Variants in GNAI1 observed in about 807,000 individuals in gnomAD.
GNAI1 encodes guanine nucleotide-binding protein G(i) subunit alpha-1.
Under a neutral mutation model 38.9 loss-of-function variants are expected in GNAI1, and 11 were observed. The ratio of observed to expected loss-of-function variants is 0.28; its 90% CI spans 0.18 to 0.47. The LOEUF (loss-of-function observed/expected upper bound fraction) is 0.47, where lower values mean the gene tolerates loss of function less well. Among genes scored for constraint, GNAI1 ranks in the 20% least tolerant of loss-of-function variants. The pLI is 0.99. For synonymous variants in GNAI1, 166 were observed against 145.1 expected (o/e 1.14, Z -1.04); for missense variants, 317 against 436.9 (o/e 0.73, Z 2.45).
In GNAI1 at chr7:80,218,492, G is replaced by T. The variant is rs575819551; in HGVS notation, c.*999G>T. On this transcript the variant is annotated 3_prime_UTR_variant, in exon 8 of 8. Coordinates refer to ENST00000649796, the MANE Select transcript of GNAI1 (RefSeq NM_002069.6). ...GAATTTTGAGACATTGATTGGTGAG[G>T]CTTTTATTTCCCTTGAGGAGTCTCT... 6.6e-6 allele frequency: 1 copy of T among 151,946 alleles called. No individual in the cohort carries two copies. Among genetic ancestry groups the T allele is most frequent in the Non-Finnish European group, 1.5e-5 (1 of 67,972 alleles). The allele number at this position is 151,946 out of a possible 1,614,324, so 9.4% of individuals were successfully genotyped here.
intron 1 of GNAI1, among the ~76,000 whole-genome samples, chr7:80,138,550 A>G (rs1583999476): frequency 1.3e-5 from 2 of 152,210 alleles, no homozygotes; most frequent in Non-Finnish European, 2.9e-5. Flanking sequence ...TTATTGTTAT[A>G]TCTTTGAGAA....
intron 3 of GNAI1, 24 bp downstream of exon 3, chr7:80,189,255 C>T: frequency 6.2e-7 from 1 of 1,601,602 alleles, no homozygotes; most frequent in Non-Finnish European, 8.5e-7. Context: ...TTTGTTGGAG[C>T]TGACCTGATG....
At chr7:80,216,047 C>G (rs948498188) in intron 7 of GNAI1, among the ~76,000 whole-genome samples, 2 of 151,990 alleles carry the variant, frequency 1.3e-5, no homozygotes, top group Non-Finnish European at 2.9e-5. Context: ...TGGATTATTA[C>G]TACAAAAGAG....
intron 5 of GNAI1, 38 bp downstream of exon 5, chr7:80,203,870 TAAA>T: frequency 1.7e-6 from 2 of 1,145,640 alleles, no homozygotes; most frequent in Non-Finnish European, 2.5e-6. Flanking sequence ...TAAATTTAGA[TAAA>T]AACACATTGC....
At chr7:80,138,649 G>A (rs919085357) in intron 1 of GNAI1, among the ~76,000 whole-genome samples, 1 of 152,088 alleles carries the variant, frequency 6.6e-6, no homozygotes, top group African/African-American at 2.4e-5. Context: ...TTGTACTTAT[G>A]AAATATTATT....
intron 1 of GNAI1, among the ~76,000 whole-genome samples, chr7:80,170,541 T>C (rs1788083678): frequency 1.3e-5 from 2 of 152,164 alleles, no homozygotes; most frequent in African/African-American, 2.4e-5. Context: ...TTTAATTGGC[T>C]CACAGTTCTG....
chr7:80,155,715 CAGTT>C (rs1158660252), intron 1 of GNAI1, among the ~76,000 whole-genome samples: 2 of 150,842 alleles, frequency 1.3e-5, no homozygotes, highest in East Asian at 1.9e-4. Context: ...CACAGTTACA[CAGTT>C]AGATGTTTAA....
chr7:80,183,755 C>T (rs968936187), intron 1 of GNAI1, among the ~76,000 whole-genome samples: 1 of 152,156 alleles, frequency 6.6e-6, no homozygotes, highest in Non-Finnish European at 1.5e-5. Context: ...GAGGCAGACA[C>T]TGTTTGACTA....
At chr7:80,151,821 TGAG>T (rs1372609427) in intron 1 of GNAI1, among the ~76,000 whole-genome samples, 3 of 152,148 alleles carry the variant, frequency 2.0e-5, no homozygotes, top group Non-Finnish European at 4.4e-5. Flanking sequence ...ATCCTGCCCT[TGAG>T]GAGTTTCGTG....
chr7:80,163,795 C>G (rs951878608), intron 1 of GNAI1, among the ~76,000 whole-genome samples: 1 of 152,196 alleles, frequency 6.6e-6, no homozygotes, highest in Non-Finnish European at 1.5e-5. Context: ...GCCTTGTATT[C>G]TTGTATTGAA....
At chr7:80,186,334 C>G (rs989561829) in intron 1 of GNAI1, among the ~76,000 whole-genome samples, 1 of 152,094 alleles carries the variant, frequency 6.6e-6, no homozygotes, top group African/African-American at 2.4e-5. Flanking sequence ...CCTGGCCCCC[C>G]ACTCTTTAAT....
chr7:80,180,127 G>A (rs1788263763), intron 1 of GNAI1, among the ~76,000 whole-genome samples: 1 of 152,126 alleles, frequency 6.6e-6, no homozygotes, highest in Admixed American at 6.6e-5. Flanking sequence ...ATAGAAAACA[G>A]CTTAGCAAAA....
chr7:80,193,120 C>G (rs555936352), intron 3 of GNAI1, among the ~76,000 whole-genome samples: 2 of 152,032 alleles, frequency 1.3e-5, no homozygotes, highest in South Asian at 4.2e-4. Flanking sequence ...GTAGAGTAAG[C>G]GCACCCCATT....
In GNAI1 at chr7:80,135,075, C is replaced by A. The variant is rs1402061346; in HGVS notation, c.-86C>A. 5 of 912,630 alleles carry A rather than the reference C, an allele frequency of 5.5e-6. No homozygotes were observed. The highest frequency in any genetic ancestry group is 5.8e-5 in the South Asian group (2 of 34,574). The allele number at this position is 912,630 out of a possible 1,614,324, so 56.5% of individuals were successfully genotyped here. A position where few individuals can be genotyped will look rare whatever the true frequency, so the allele number is the denominator to read the frequency against. On this transcript the variant is annotated 5_prime_UTR_variant, in exon 1 of 8. Coordinates refer to ENST00000649796, the MANE Select transcript of GNAI1 (RefSeq NM_002069.6). ...CCCCGTCGGGAGGCGTTCGAACGCC[C>A]GCTAGGAGAGAGAAAGGATTCCCCT...
chr7:80,223,791 A>G lies in GNAI1; in HGVS notation c.*6298A>G, dbSNP rs1789117571. Among the ~76,000 whole-genome samples the G allele has an allele frequency of 6.6e-6, 1 of 151,304 alleles. No homozygotes were observed. The highest frequency in any genetic ancestry group is 6.5e-5 in the Admixed American group (1 of 15,280). ...ACAAGGCAATTTACCTGTAATAAAT[A>G]TAACTTTTTTGCAGACTTGAGCATA... On this transcript the variant is annotated 3_prime_UTR_variant, in exon 8 of 8. Transcript: ENST00000649796.
chr7:80,216,246 G>A (rs979847866), intron 7 of GNAI1, among the ~76,000 whole-genome samples: 1 of 150,558 alleles, frequency 6.6e-6, no homozygotes, highest in Non-Finnish European at 1.5e-5. Context: ...CCACCACTCA[G>A]GTCAAGAAAC....
chr7:80,222,443 A>G lies in GNAI1; in HGVS notation c.*4950A>G, dbSNP rs1216121686. Among the ~76,000 whole-genome samples the G allele has an allele frequency of 6.8e-6, 1 of 146,428 alleles. No homozygotes were observed. Among genetic ancestry groups the G allele is most frequent in the Non-Finnish European group, 1.5e-5 (1 of 67,274 alleles). On this transcript the variant is annotated 3_prime_UTR_variant, in exon 8 of 8. Transcript: ENST00000649796. The stretch of plus-strand genomic sequence containing the variant: ...GTTCTTGTTTCCCAGGCTGGAGCGC[A>G]ATGGTGCGATCTCGGCTCACCGCAA...
chr7:80,167,584 T>A (rs1184761251), intron 1 of GNAI1, among the ~76,000 whole-genome samples: 1 of 152,338 alleles, frequency 6.6e-6, no homozygotes, highest in Non-Finnish European at 1.5e-5. Context: ...CCATCTGCAA[T>A]ATATTAGAGA....
intron 1 of GNAI1, among the ~76,000 whole-genome samples, chr7:80,161,381 AT>A (rs968375511): frequency 1.3e-4 from 20 of 152,256 alleles, no homozygotes; most frequent in African/African-American, 3.8e-4. Context: ...CAGCAACAGT[AT>A]TTTTTTGATA....
Sources: allele counts gnomAD v4.1 joint callset (sites outside exome capture counted in the v4.1 genomes callset), GRCh38; gene constraint gnomAD v4.1.1; transcripts MANE v1.5; gene names NCBI Gene and HGNC (gene_info 2026-07-23, HGNC 2026-07-21).